The following ADAM28 variants were observed in gnomAD, a reference collection of about 807,000 sequenced individuals.
ADAM28 encodes disintegrin and metalloproteinase domain-containing protein 28.
Under a neutral mutation model 101.2 loss-of-function variants are expected in ADAM28, and 105 were observed. The observed-to-expected ratio is 1.04, with a 90% CI of 0.89 to 1.22. The LOEUF (loss-of-function observed/expected upper bound fraction) is 1.22, where lower values mean the gene tolerates loss of function less well. Among genes scored for constraint, ADAM28 ranks in the 50% most tolerant of loss-of-function variants. The pLI is 0.00. For missense variants in ADAM28, 1,028 were observed against 945.4 expected, an observed-to-expected ratio of 1.09 and a Z score of -1.15; for synonymous variants, 322 against 310.6, an observed-to-expected ratio of 1.04 and a Z score of -0.39.
chr8:24,335,787 G>A, intron 14 of ADAM28, 146 bp downstream of exon 14: 9 of 1,316,190 alleles, frequency 6.8e-6, no homozygotes, highest in Non-Finnish European at 7.8e-6. Flanking sequence ...AAGATTTGAG[G>A]TTGGTTTTAG....
Position 24,357,501 on chromosome 8 carries a change from A to T in ADAM28, c.*3097A>T, listed in dbSNP as rs928349277. On this transcript the variant is annotated 3_prime_UTR_variant, in exon 23 of 23. Transcript: ENST00000265769. ...ACATCTCATATGATGGAAGATGTGT[A>T]TGAAGGAGGAACTGTCAAACACTTA... 1.3e-5 allele frequency: 2 copies of T among 152,156 alleles called. No individual in the cohort carries two copies. The highest frequency in any genetic ancestry group is 4.8e-5 in the African/African-American group (2 of 41,440). The allele number at this position is 152,156 out of a possible 1,614,324, so 9.4% of individuals were successfully genotyped here. A position where few individuals can be genotyped will look rare whatever the true frequency, so the allele number is the denominator to read the frequency against.
At position 24,355,113 on chromosome 8, in the gene ADAM28, T is replaced by C. The variant is rs1816590549; in HGVS notation, c.*709T>C. Reference sequence around the variant, plus strand: ...GCAAATATATTTGGTCTGAATGATATTGATATTGGACACATAGTACTTTTA... The same window carrying C: ...GCAAATATATTTGGTCTGAATGATACTGATATTGGACACATAGTACTTTTA... On this transcript the variant is annotated 3_prime_UTR_variant, in exon 23 of 23. Coordinates refer to ENST00000265769, the MANE Select transcript of ADAM28 (RefSeq NM_014265.6). The C allele has an allele frequency of 1.3e-5, 2 of 152,602 alleles. No individual in the cohort carries two copies. Among genetic ancestry groups the C allele is most frequent in the Admixed American group, 1.3e-4 (2 of 15,244 alleles). The allele number at this position is 152,602 out of a possible 1,614,324, so 9.5% of individuals were successfully genotyped here.
chr8:24,339,778 A>G (rs1000519020), intron 15 of ADAM28, among the ~76,000 whole-genome samples: 1 of 152,206 alleles, frequency 6.6e-6, no homozygotes, highest in African/African-American at 2.4e-5. Flanking sequence ...TTCTTCAAGT[A>G]TCTCATGGTG....
intron 18 of ADAM28, among the ~76,000 whole-genome samples, chr8:24,349,545 T>A (rs1391361819): frequency 6.6e-6 from 1 of 152,222 alleles, no homozygotes; most frequent in Non-Finnish European, 1.5e-5. Flanking sequence ...TTCTTTGCCA[T>A]CTTCCTTACT....
chr8:24,304,659 G>A (rs1277248135), intron 2 of ADAM28, among the ~76,000 whole-genome samples: 1 of 151,952 alleles, frequency 6.6e-6, no homozygotes, highest in Non-Finnish European at 1.5e-5. Flanking sequence ...TGAGGTCAGG[G>A]GTTCAAGACC....
chr8:24,307,817 A>G (rs893645986), intron 2 of ADAM28, among the ~76,000 whole-genome samples: 2 of 152,182 alleles, frequency 1.3e-5, no homozygotes, highest in African/African-American at 2.4e-5. Flanking sequence ...GTAAAAGAAA[A>G]TATCTTACAG....
chr8:24,325,870 G>GAAAAA (rs1255708868), intron 9 of ADAM28, among the ~76,000 whole-genome samples: 1 of 1,800 alleles, frequency 5.6e-4, no homozygotes, highest in Non-Finnish European at 9.7e-4. Context: ...TGTACAGATA[G>GAAAAA]CAAAAAAAAA....
intron 6 of ADAM28, among the ~76,000 whole-genome samples, chr8:24,314,020 G>C (rs1273176210): frequency 6.6e-6 from 1 of 152,140 alleles, no homozygotes; most frequent in African/African-American, 2.4e-5. Flanking sequence ...GCCTCCCAAA[G>C]TGCTGAGATT....
rs114854931 is a variant in ADAM28 at position 24,346,354 on chromosome 8, G to T, written c.1990+2770G>T. On this transcript the variant is annotated intron_variant, in intron 18 of 22. Coordinates refer to ENST00000265769, the MANE Select transcript of ADAM28 (RefSeq NM_014265.6). ...ATGAGTATCATTTGTTTGAAATTTT[G>T]GTAATTACTGACCTACTGTTAGAAC... Among the ~76,000 whole-genome samples, 848 of 151,824 alleles carry T rather than the reference G, an allele frequency of 5.6e-3. 4 individuals carry two copies. Among genetic ancestry groups the T allele is most frequent in the African/African-American group, 0.019 (797 of 41,434 alleles).
chr8:24,352,740 C>T (rs1053579366), intron 21 of ADAM28, among the ~76,000 whole-genome samples: 13 of 152,118 alleles, frequency 8.5e-5, no homozygotes, highest in African/African-American at 3.1e-4. Context: ...TCATATTTTA[C>T]AATATTCTCA....
At chr8:24,317,336 A>G (rs925731972) in intron 6 of ADAM28, among the ~76,000 whole-genome samples, 4 of 152,046 alleles carry the variant, frequency 2.6e-5, no homozygotes, top group Non-Finnish European at 4.4e-5. Flanking sequence ...AAAACCAGAC[A>G]CCTAGACCAG....
chr8:24,297,468 C>T (rs555007803), intron 1 of ADAM28, among the ~76,000 whole-genome samples: 10 of 152,240 alleles, frequency 6.6e-5, no homozygotes, highest in East Asian at 5.8e-4. Flanking sequence ...TACAAAAAAT[C>T]GGGAACGTAG....
chr8:24,296,809 C>A (rs1808027387), intron 1 of ADAM28, among the ~76,000 whole-genome samples: 1 of 152,170 alleles, frequency 6.6e-6, no homozygotes, highest in East Asian at 1.9e-4. Flanking sequence ...TTTGTGTAAT[C>A]CCTGGATGGC....
At chr8:24,301,074 C>T (rs1450569969) in intron 2 of ADAM28, 1 of 152,132 alleles carries the variant, frequency 6.6e-6, no homozygotes, top group Non-Finnish European at 1.5e-5. Flanking sequence ...TGGGAGCCAG[C>T]AAGATACAGA....
In ADAM28 at chr8:24,351,229, C is replaced by A; in HGVS notation, c.2100-3C>A. ...ATTGATATCATGTGTTTCTCTCTTA[C>A]AGGCCACTATCTACCACTGGCACCA... On this transcript the variant is annotated splice_region_variant and splice_polypyrimidine_tract_variant and intron_variant, in intron 19 of 22. Transcript: ENST00000265769. The A allele has an allele frequency of 6.3e-7, 1 of 1,579,348 alleles. No individual in the cohort carries two copies. The highest frequency in any genetic ancestry group is 8.6e-7 in the Non-Finnish European group (1 of 1,165,092).
chr8:24,334,553 C>T (rs1260287472), intron 13 of ADAM28, among the ~76,000 whole-genome samples: 1 of 152,088 alleles, frequency 6.6e-6, no homozygotes. Flanking sequence ...AATGAGGGCA[C>T]AGAAACAGCA....
At position 24,323,893 on chromosome 8, in the gene ADAM28, G is replaced by T; in HGVS notation, c.780G>T (p.Lys260Asn). 6.2e-7 allele frequency: 1 copy of T among 1,612,202 alleles called. No individual in the cohort carries two copies. The highest frequency in any genetic ancestry group is 8.5e-7 in the Non-Finnish European group (1 of 1,178,820). Residue 260 changes from lysine to asparagine, a missense_variant, in exon 9 of 23, where the codon AAG becomes AAT. Transcript: ENST00000265769. ...ALVGMEIWTDKDKIKITPNAS... is the reference protein window; with the variant it reads ...ALVGMEIWTDNDKIKITPNAS... ...TTGGTATGGAAATCTGGACTGACAA[G>T]GATAAGATAAAGATAACCCCAAATG...
intron 3 of ADAM28, 35 bp from the exon 4 acceptor site, chr8:24,310,128 A>G (rs1810252775): frequency 6.2e-7 from 1 of 1,605,370 alleles, no homozygotes; most frequent in East Asian, 2.2e-5. Context: ...CAATCAGCAC[A>G]AGTAACCACA....
At chr8:24,320,505 T>G (rs1323701104) in intron 7 of ADAM28, among the ~76,000 whole-genome samples, 198 bp downstream of exon 7, 1 of 151,996 alleles carries the variant, frequency 6.6e-6, no homozygotes, top group Non-Finnish European at 1.5e-5. Context: ...TCAGGGCAAT[T>G]GATATGATAT....
Sources: allele counts gnomAD v4.1 joint callset (sites outside exome capture counted in the v4.1 genomes callset), GRCh38; gene constraint gnomAD v4.1.1; transcripts MANE v1.5; gene names NCBI Gene and HGNC (gene_info 2026-07-23, HGNC 2026-07-21).